Variants in LINGO2 observed in about 807,000 individuals in gnomAD.
LINGO2 encodes the protein leucine rich repeat and Ig domain containing 2.
In LINGO2, 14 loss-of-function variants were observed where a neutral mutation model predicts 30.6. That is an observed-to-expected ratio of 0.46 (90% confidence interval 0.30 to 0.72). LINGO2 has a LOEUF of 0.72. Among genes scored for constraint, LINGO2 ranks in the 30% least tolerant of loss-of-function variants. The pLI is 0.07. For synonymous variants in LINGO2, 317 were observed against 288.5 expected (o/e 1.10, Z -1.00); for missense variants, 729 against 751.7 (o/e 0.97, Z 0.35).
At chr9:28,209,509 T>C (rs1820520028) in intron 4 of LINGO2, among the ~76,000 whole-genome samples, 1 of 151,974 alleles carries the variant, frequency 6.6e-6, no homozygotes, top group South Asian at 2.1e-4. Context: ...TCTAATGGTC[T>C]TAAAAATAGT....
At chr9:28,770,956 T>C in the LINGO2 span, among the ~76,000 whole-genome samples, 1 of 152,176 alleles carries the variant, frequency 6.6e-6, no homozygotes, top group Non-Finnish European at 1.5e-5. Flanking sequence ...CTAACAGACC[T>C]TGATTTAGGC....
At chr9:27,970,288 G>A (rs1820292599) in intron 5 of LINGO2, among the ~76,000 whole-genome samples, 1 of 152,132 alleles carries the variant, frequency 6.6e-6, no homozygotes. Flanking sequence ...CCTCCCTCTT[G>A]ACAGTCATTG....
At chr9:28,922,356 GT>G in the LINGO2 span, among the ~76,000 whole-genome samples, 1 of 151,854 alleles carries the variant, frequency 6.6e-6, no homozygotes, top group Non-Finnish European at 1.5e-5. Context: ...GAAGGGTACA[GT>G]TACTCTGCAA....
intron 4 of LINGO2, among the ~76,000 whole-genome samples, chr9:28,125,367 C>T (rs917952487): frequency 3.4e-4 from 52 of 152,144 alleles, no homozygotes; most frequent in African/African-American, 1.3e-3. Flanking sequence ...ATATTTAATA[C>T]GTATATTTGT....
the LINGO2 span, among the ~76,000 whole-genome samples, chr9:29,037,188 G>A: frequency 6.6e-6 from 1 of 151,722 alleles, no homozygotes; most frequent in East Asian, 1.9e-4. Context: ...GTTTTTTGGA[G>A]TTGTTTTCCT....
intron 4 of LINGO2, among the ~76,000 whole-genome samples, chr9:28,133,154 A>G (rs1024960101): frequency 7.2e-5 from 11 of 152,226 alleles, no homozygotes; most frequent in Non-Finnish European, 1.6e-4. Flanking sequence ...GAAAGCTGAG[A>G]CTGTCCTATT....
At chr9:29,025,741 T>C in the LINGO2 span, among the ~76,000 whole-genome samples, 1 of 152,102 alleles carries the variant, frequency 6.6e-6, no homozygotes, top group Non-Finnish European at 1.5e-5. Flanking sequence ...GTGTAACAGA[T>C]CTCTTAAACA....
At chr9:29,034,918 C>G in the LINGO2 span, among the ~76,000 whole-genome samples, 1 of 151,986 alleles carries the variant, frequency 6.6e-6, no homozygotes, top group Non-Finnish European at 1.5e-5. Context: ...TTTATTGTTC[C>G]TACTTTAGAA....
At chr9:27,989,443 CTCTG>C (rs1025265354) in intron 5 of LINGO2, among the ~76,000 whole-genome samples, 8 of 125,738 alleles carry the variant, frequency 6.4e-5, no homozygotes, top group African/African-American at 2.2e-4. Flanking sequence ...AGTGAATGCT[CTCTG>C]TGTGTGTGTG....
chr9:29,155,647 T>G, the LINGO2 span, among the ~76,000 whole-genome samples: 1 of 152,034 alleles, frequency 6.6e-6, no homozygotes, highest in Non-Finnish European at 1.5e-5. Context: ...ATTTAATTAC[T>G]ATTTTATTGG....
chr9:28,463,641 T>C (rs1266999495), intron 2 of LINGO2, among the ~76,000 whole-genome samples: 1 of 152,046 alleles, frequency 6.6e-6, no homozygotes, highest in South Asian at 2.1e-4. Flanking sequence ...CACAGACAAA[T>C]ATGTGTGCAT....
chr9:28,450,028 C>A (rs576252223), intron 2 of LINGO2, among the ~76,000 whole-genome samples: 1 of 152,116 alleles, frequency 6.6e-6, no homozygotes, highest in Non-Finnish European at 1.5e-5. Flanking sequence ...CACACCATAA[C>A]TTAGACTCCC....
chr9:28,611,252 T>G (rs980265410), intron 1 of LINGO2, among the ~76,000 whole-genome samples: 1 of 152,158 alleles, frequency 6.6e-6, no homozygotes, highest in Non-Finnish European at 1.5e-5. Context: ...ATGTATATAT[T>G]TAGGATATAT....
At chr9:28,445,713 T>C (rs892758305) in intron 2 of LINGO2, among the ~76,000 whole-genome samples, 5 of 152,184 alleles carry the variant, frequency 3.3e-5, no homozygotes, top group Non-Finnish European at 5.9e-5. Context: ...TGAAAGCAAA[T>C]CTGAAACAAA....
chr9:28,925,503 A>G, the LINGO2 span, among the ~76,000 whole-genome samples: 2 of 152,230 alleles, frequency 1.3e-5, no homozygotes, highest in African/African-American at 4.8e-5. Context: ...AAACTGTGAT[A>G]CATCATTGCA....
chr9:28,695,004 T>A, the LINGO2 span, among the ~76,000 whole-genome samples: 14,358 of 150,724 alleles, frequency 0.095, 927 homozygotes, highest in East Asian at 0.19. Flanking sequence ...GTGAGTTGTA[T>A]ACCCATTGAG....
chr9:28,677,650 C>CT, the LINGO2 span, among the ~76,000 whole-genome samples: 4 of 150,680 alleles, frequency 2.7e-5, no homozygotes, highest in Non-Finnish European at 6.0e-5. Context: ...CCCTTGAGCC[C>CT]TGGCCACCTG....
the LINGO2 span, among the ~76,000 whole-genome samples, chr9:28,887,691 G>A: frequency 6.6e-6 from 1 of 151,938 alleles, no homozygotes; most frequent in African/African-American, 2.4e-5. Context: ...TTTAGATGTG[G>A]GGCAAAAAGA....
At chr9:28,392,594 T>A (rs144572183) in intron 2 of LINGO2, among the ~76,000 whole-genome samples, 1 of 152,020 alleles carries the variant, frequency 6.6e-6, no homozygotes, top group Non-Finnish European at 1.5e-5. Context: ...CACCTGGAGG[T>A]GTTCATCAAC....
Sources: gnomAD v4.1 joint callset for allele counts (sites outside exome capture counted in the v4.1 genomes callset) on GRCh38, gnomAD v4.1.1 for gene constraint, MANE v1.5 for transcripts, NCBI Gene and HGNC (gene_info 2026-07-23, HGNC 2026-07-21) for gene names.